Variants in MYRIP observed in about 807,000 individuals in gnomAD.
MYRIP encodes the protein rab effector MyRIP.
Under a neutral mutation model 98.0 loss-of-function variants are expected in MYRIP, and 49 were observed. That is an observed-to-expected ratio of 0.50 (90% CI 0.40 to 0.63). MYRIP has a LOEUF of 0.63. MYRIP is among the 30% of genes least tolerant of loss of function. MYRIP has a pLI of 0.00. For synonymous variants in MYRIP, 404 were observed against 409.5 expected (o/e 0.99, Z 0.16); for missense variants, 1,004 against 1,058.2 (o/e 0.95, Z 0.71).
At chr3:39,995,150 C>A (rs112098703) in intron 2 of MYRIP, among the ~76,000 whole-genome samples, 1 of 152,150 alleles carries the variant, frequency 6.6e-6, no homozygotes, top group East Asian at 1.9e-4. Flanking sequence ...TCCAAAGGAA[C>A]GGAGCTCCTC....
chr3:40,036,302 CAAAA>C (rs71091786), intron 2 of MYRIP, among the ~76,000 whole-genome samples: 1 of 64,294 alleles, frequency 1.6e-5, no homozygotes, highest in Non-Finnish European at 3.0e-5. Context: ...CAACTGATAC[CAAAA>C]AAAAAAAAAA....
intron 3 of MYRIP, among the ~76,000 whole-genome samples, chr3:40,053,805 GT>G (rs745729065): frequency 2.0e-4 from 31 of 152,246 alleles, no homozygotes; most frequent in Non-Finnish European, 3.4e-4. Context: ...TAGCCAGCCT[GT>G]GCTCCCTCAC....
At chr3:39,817,136 A>G (rs1313573141) in intron 1 of MYRIP, among the ~76,000 whole-genome samples, 1 of 152,212 alleles carries the variant, frequency 6.6e-6, no homozygotes, top group Admixed American at 6.5e-5. Context: ...CTTGCAAAAG[A>G]TGGAGAACTT....
rs1048430353 is a variant in MYRIP, at chr3:40,142,614, C to G, written c.333-8434C>G. Among the ~76,000 whole-genome samples, 11 of 152,124 alleles carry G rather than the reference C, an allele frequency of 7.2e-5. No homozygotes were observed. In the South Asian group the frequency reaches 1.2e-3, roughly 17 times the overall value. On this transcript the variant is annotated intron_variant, in intron 3 of 16. Transcript: ENST00000302541. ...AGTAGCTGGGACTACAGGCATGTGC[C>G]ACTGTGCCTGATTTTTGTATTTTTT...
At chr3:39,856,940 C>T (rs912058736) in intron 1 of MYRIP, among the ~76,000 whole-genome samples, 2 of 152,128 alleles carry the variant, frequency 1.3e-5, no homozygotes, top group Admixed American at 6.5e-5. Context: ...CAATGAGATG[C>T]GGTGGCTCAT....
At chr3:39,873,412 C>G (rs955552218) in intron 1 of MYRIP, among the ~76,000 whole-genome samples, 5 of 152,076 alleles carry the variant, frequency 3.3e-5, no homozygotes, top group African/African-American at 9.7e-5. Flanking sequence ...AAGTCCTTGC[C>G]CATGCCTGTG....
At chr3:40,232,168 G>A (rs1037131863) in intron 11 of MYRIP, among the ~76,000 whole-genome samples, 1 of 152,096 alleles carries the variant, frequency 6.6e-6, no homozygotes, top group Non-Finnish European at 1.5e-5. Flanking sequence ...TTGGTATGTA[G>A]CAAAGCCCCC....
At chr3:40,031,618 A>T (rs1262178918) in intron 2 of MYRIP, among the ~76,000 whole-genome samples, 1 of 152,162 alleles carries the variant, frequency 6.6e-6, no homozygotes, top group African/African-American at 2.4e-5. Flanking sequence ...CTACAAAAAA[A>T]GTTTCTTTAC....
intron 11 of MYRIP, among the ~76,000 whole-genome samples, chr3:40,212,241 C>T (rs796249199): frequency 0.57 from 10,454 of 18,268 alleles, 3,051 homozygotes; most frequent in Non-Finnish European, 0.76. Context: ...CACACACACA[C>T]ACACATATAT....
At chr3:40,031,401 T>G (rs1189121894) in intron 2 of MYRIP, among the ~76,000 whole-genome samples, 1 of 152,114 alleles carries the variant, frequency 6.6e-6, no homozygotes, top group Non-Finnish European at 1.5e-5. Flanking sequence ...ACCAGAGTGG[T>G]CTGTCTAATC....
Position 40,243,299 on chromosome 3 carries a change from A to C in MYRIP, c.2101-1147A>C, listed in dbSNP as rs185157022. Among the ~76,000 whole-genome samples, 14 of 152,204 alleles carry C rather than the reference A, an allele frequency of 9.2e-5. No homozygotes were observed. The Middle Eastern group carries it at 0.01, about 111-fold the overall frequency. On this transcript the variant is annotated intron_variant, in intron 12 of 16. Coordinates refer to ENST00000302541, the MANE Select transcript of MYRIP (RefSeq NM_015460.4). The stretch of plus-strand genomic sequence containing the variant: ...TTGCTCCACCTTGAAATGTTTTGTA[A>C]AATTGCCAGTTTTAAAACAGATGAG...
rs892610715 is a variant in MYRIP at position 40,159,957 on chromosome 3, G to A, written c.470-2773G>A. 1.3e-4 allele frequency among the ~76,000 whole-genome samples: 20 copies of A among 152,132 alleles called. No individual in the cohort carries two copies. The East Asian group carries it at 3.3e-3, about 25-fold the overall frequency. On this transcript the variant is annotated intron_variant, in intron 4 of 16. Transcript: ENST00000302541. ...TGGTTTGAATGTCCTCCTGTAGTTC[G>A]GAGTAATTTGATCATCTGAAGCCTT...
chr3:40,057,322 G>A (rs953537320), intron 3 of MYRIP, among the ~76,000 whole-genome samples: 2 of 152,140 alleles, frequency 1.3e-5, no homozygotes, highest in African/African-American at 2.4e-5. Flanking sequence ...CATCAAAGCC[G>A]GCTTGTTACT....
intron 2 of MYRIP, among the ~76,000 whole-genome samples, chr3:40,036,611 TA>T (rs2125824918): frequency 6.6e-6 from 1 of 152,106 alleles, no homozygotes; most frequent in African/African-American, 2.4e-5. Flanking sequence ...CTCCTGCAAA[TA>T]AAAAATACGC....
rs140385715 is a variant in MYRIP at position 40,189,854 on chromosome 3, C to A, written c.1056C>A (p.Asp352Glu). 5 of 1,613,258 alleles carry A rather than the reference C, an allele frequency of 3.1e-6. No individual in the cohort carries two copies. The highest frequency in any genetic ancestry group is 2.2e-5 in the East Asian group (1 of 44,868). ...TNLAPVLQSP[D>E]GNWVALKDGA... ...TGGCCCCAGTTTTGCAGAGCCCCGA[C>A]GGGAACTGGGTGGCCCTGAAGGATG... The change falls in exon 10 of 17, where the codon GAC (aspartate) becomes GAA (glutamate). Residue 352 changes from aspartate (D) to glutamate (E), a missense_variant. Physicochemically the swap from Asp to Glu is conservative, Grantham distance 45. This residue lies in a region of MYRIP where 880 missense variants were observed against 907.7 expected (regional missense o/e 0.97). Coordinates refer to ENST00000302541, the MANE Select transcript of MYRIP (RefSeq NM_015460.4).
At chr3:40,146,388 T>C (rs1210166850) in intron 3 of MYRIP, among the ~76,000 whole-genome samples, 2 of 152,184 alleles carry the variant, frequency 1.3e-5, no homozygotes, top group Admixed American at 1.3e-4. Context: ...TAAAAGACAG[T>C]GTGAACATTG....
At chr3:40,177,092 C>T (rs62261815) in intron 8 of MYRIP, among the ~76,000 whole-genome samples, 8 of 150,984 alleles carry the variant, frequency 5.3e-5, no homozygotes, top group Non-Finnish European at 1.2e-4. Context: ...AAAAAAATGT[C>T]AGAAATACAC....
At chr3:40,134,232 T>C (rs1457528231) in intron 3 of MYRIP, among the ~76,000 whole-genome samples, 2 of 152,334 alleles carry the variant, frequency 1.3e-5, no homozygotes, top group African/African-American at 4.8e-5. Flanking sequence ...CACCAGGAGA[T>C]TATATCCCGC....
intron 2 of MYRIP, among the ~76,000 whole-genome samples, chr3:39,997,615 G>A (rs539437933): frequency 6.6e-5 from 10 of 152,132 alleles, no homozygotes; most frequent in Non-Finnish European, 1.5e-4. Flanking sequence ...ACAAGGAGGA[G>A]CTAGTACCAT....
Sources: allele counts gnomAD v4.1 joint callset (sites outside exome capture counted in the v4.1 genomes callset), GRCh38; gene constraint gnomAD v4.1.1; regional missense constraint gnomAD v4.1.1; transcripts MANE v1.5; gene names NCBI Gene and HGNC (gene_info 2026-07-23, HGNC 2026-07-21).